Variants in ATP8A2 observed in about 807,000 individuals in gnomAD.
ATP8A2 encodes phospholipid-transporting ATPase IB.
In ATP8A2, 100 loss-of-function variants were observed where a neutral mutation model predicts 165.6. The observed-to-expected ratio is 0.60, with a 90% CI of 0.51 to 0.71. ATP8A2 has a LOEUF of 0.71. Ranked by LOEUF, ATP8A2 falls within the 30% of genes least tolerant of loss-of-function variation. The pLI is 0.00. For missense variants in ATP8A2, 1,227 were observed against 1,479.5 expected, an observed-to-expected ratio of 0.83 and a Z score of 2.80; for synonymous variants, 543 against 548.8, an observed-to-expected ratio of 0.99 and a Z score of 0.15.
chr13:25,394,626 A>C (rs1166398294), intron 1 of ATP8A2, among the ~76,000 whole-genome samples: 1 of 152,222 alleles, frequency 6.6e-6, no homozygotes, highest in Non-Finnish European at 1.5e-5. Context: ...GAAGGGGACC[A>C]TAATATGTCA....
intron 11 of ATP8A2, among the ~76,000 whole-genome samples, chr13:25,552,493 G>T (rs188318087): frequency 1.4e-3 from 214 of 152,102 alleles, no homozygotes; most frequent in Middle Eastern, 6.8e-3. Context: ...TTTTAAAATT[G>T]GGAATATATA....
chr13:25,943,118 C>A (rs372718281), intron 33 of ATP8A2, among the ~76,000 whole-genome samples: 3 of 152,072 alleles, frequency 2.0e-5, no homozygotes, highest in Non-Finnish European at 2.9e-5. Context: ...GGGTTTGAAC[C>A]TAGGGAGCAT....
chr13:25,974,794 G>A (rs1183592926), intron 35 of ATP8A2, among the ~76,000 whole-genome samples: 3 of 152,032 alleles, frequency 2.0e-5, no homozygotes, highest in Non-Finnish European at 4.4e-5. Context: ...GCATCCCTGG[G>A]TGCCAGGTCT....
At chr13:25,393,840 A>G (rs1303282322) in intron 1 of ATP8A2, among the ~76,000 whole-genome samples, 5 of 152,238 alleles carry the variant, frequency 3.3e-5, no homozygotes, top group East Asian at 3.8e-4. Context: ...ACAATCTGAC[A>G]TAAGACAGTG....
chr13:26,021,168 G>A lies in ATP8A2; in HGVS notation c.*1183G>A, dbSNP rs1302614503. 1 of 152,280 alleles carries A rather than the reference G, an allele frequency of 6.6e-6. No homozygotes were observed. The highest frequency in any genetic ancestry group is 1.5e-5 in the Non-Finnish European group (1 of 68,086). 9.4% of individuals were successfully genotyped at this position (152,280 alleles called of 1,614,324 possible). On this transcript the variant is annotated 3_prime_UTR_variant, in exon 37 of 37. Coordinates refer to ENST00000381655, the MANE Select transcript of ATP8A2 (RefSeq NM_016529.6). Reference sequence around the variant, plus strand: ...GATGCAAGAGTATAGGACATTGAGTGGGGAGAACAAGACGACCACAGAAGT... The same window carrying A: ...GATGCAAGAGTATAGGACATTGAGTAGGGAGAACAAGACGACCACAGAAGT...
intron 29 of ATP8A2, among the ~76,000 whole-genome samples, chr13:25,838,765 G>A (rs563798970): frequency 1.7e-4 from 26 of 152,168 alleles, no homozygotes; most frequent in African/African-American, 5.8e-4. Flanking sequence ...TTAATAACTC[G>A]AGGGGGGCAG....
At chr13:25,869,088 A>T (rs1451691812) in intron 33 of ATP8A2, among the ~76,000 whole-genome samples, 2 of 151,846 alleles carry the variant, frequency 1.3e-5, no homozygotes, top group African/African-American at 4.8e-5. Context: ...AAAAAAAAAA[A>T]AAAAACCTTT....
chr13:25,837,423 CCACACACACACACACACACACACACA>C (rs72194516), intron 29 of ATP8A2, 138 bp downstream of exon 29: 67 of 311,596 alleles, frequency 2.2e-4, no homozygotes, highest in African/African-American at 1.6e-3. Context: ...CACCCCACCA[CCACACACACACACACACACACACACA>C]CACACACACA....
At chr13:25,959,098 G>C (rs1258470999) in intron 33 of ATP8A2, among the ~76,000 whole-genome samples, 1 of 152,226 alleles carries the variant, frequency 6.6e-6, no homozygotes. Flanking sequence ...GGCATCTGTA[G>C]CATGAGCAAA....
chr13:25,739,159 G>A (rs1020291261), intron 25 of ATP8A2, among the ~76,000 whole-genome samples: 12 of 152,316 alleles, frequency 7.9e-5, no homozygotes, highest in Middle Eastern at 3.4e-3. Context: ...TGCACAACCC[G>A]ACCTCATCCA....
At chr13:26,003,013 A>G (rs1956666855) in intron 35 of ATP8A2, among the ~76,000 whole-genome samples, 2 of 151,990 alleles carry the variant, frequency 1.3e-5, no homozygotes, top group African/African-American at 4.8e-5. Flanking sequence ...CCTTCAGCAT[A>G]CTGATTTCCA....
At chr13:25,830,972 A>C (rs552174626) in intron 28 of ATP8A2, among the ~76,000 whole-genome samples, 10 of 152,256 alleles carry the variant, frequency 6.6e-5, no homozygotes, top group Admixed American at 4.6e-4. Context: ...CAGTTTTGCT[A>C]TTCTTGCTCC....
intron 24 of ATP8A2, among the ~76,000 whole-genome samples, chr13:25,626,807 A>G (rs1037463802): frequency 2.0e-5 from 3 of 152,152 alleles, no homozygotes; most frequent in African/African-American, 4.8e-5. Context: ...GAGGCTTCAC[A>G]GTCAAGGCAG....
intron 1 of ATP8A2, among the ~76,000 whole-genome samples, chr13:25,441,449 A>G (rs930955177): frequency 6.6e-6 from 1 of 152,196 alleles, no homozygotes; most frequent in African/African-American, 2.4e-5. Context: ...TATCAAATCC[A>G]TGTCATGAGA....
At chr13:25,819,328 C>T (rs1012370653) in intron 27 of ATP8A2, among the ~76,000 whole-genome samples, 1 of 152,150 alleles carries the variant, frequency 6.6e-6, no homozygotes, top group Admixed American at 6.5e-5. Context: ...GTCATTATCA[C>T]GGTATCCTCT....
At chr13:25,450,684 A>C (rs2035198525) in intron 1 of ATP8A2, among the ~76,000 whole-genome samples, 1 of 152,016 alleles carries the variant, frequency 6.6e-6, no homozygotes, top group East Asian at 1.9e-4. Flanking sequence ...GGCGCCCGCC[A>C]CCATGCCCGG....
intron 24 of ATP8A2, among the ~76,000 whole-genome samples, chr13:25,661,357 C>G (rs575888492): frequency 6.6e-6 from 1 of 152,290 alleles, no homozygotes; most frequent in South Asian, 2.1e-4. Context: ...AATTATTTCT[C>G]TCTTTGTACC....
chr13:26,024,191 G>A lies in ATP8A2; in HGVS notation c.*4206G>A, dbSNP rs185399360. The stretch of plus-strand genomic sequence containing the variant: ...GCCATTTTTCCATCCTGAAGGCCAA[G>A]AAGGACTATTAGAAGGGTTTTTGAG... On this transcript the variant is annotated 3_prime_UTR_variant, in exon 37 of 37. Coordinates refer to ENST00000381655, the MANE Select transcript of ATP8A2 (RefSeq NM_016529.6). 4 of 152,198 alleles carry A rather than the reference G, an allele frequency of 2.6e-5. No individual in the cohort carries two copies. Among genetic ancestry groups the A allele is most frequent in the African/African-American group, 9.7e-5 (4 of 41,436 alleles). 9.4% of individuals were successfully genotyped at this position (152,198 alleles called of 1,614,324 possible). A position where few individuals can be genotyped will look rare whatever the true frequency, so the allele number is the denominator to read the frequency against.
intron 2 of ATP8A2, among the ~76,000 whole-genome samples, chr13:25,512,713 G>A (rs2037284456): frequency 6.8e-6 from 1 of 146,722 alleles, no homozygotes; most frequent in Non-Finnish European, 1.5e-5. Flanking sequence ...TCCCGGACGG[G>A]GCAGCTGGCC....
Sources: allele counts gnomAD v4.1 joint callset (sites outside exome capture counted in the v4.1 genomes callset), GRCh38; gene constraint gnomAD v4.1.1; transcripts MANE v1.5; gene names NCBI Gene and HGNC (gene_info 2026-07-23, HGNC 2026-07-21).